The following ANKRD53 variants were observed in gnomAD, a reference collection of about 807,000 sequenced individuals.
ANKRD53 encodes the protein ankyrin repeat domain-containing protein 53.
A neutral mutation model predicts 30.1 loss-of-function variants in ANKRD53; 27 were observed. That is an observed-to-expected ratio of 0.90 (90% CI 0.66 to 1.24). The LOEUF is 1.24. ANKRD53 is among the 50% of genes most tolerant of loss of function. ANKRD53 has a pLI of 0.00. For missense variants in ANKRD53, 682 were observed against 721.0 expected, an observed-to-expected ratio of 0.95 and a Z score of 0.62; for synonymous variants, 286 against 295.4, an observed-to-expected ratio of 0.97 and a Z score of 0.33.
At chr2:70,980,019 A>G (rs1020132027) in intron 3 of ANKRD53, among the ~76,000 whole-genome samples, 159 bp downstream of exon 3, 8 of 152,326 alleles carry the variant, frequency 5.3e-5, no homozygotes, top group African/African-American at 1.9e-4. Flanking sequence ...TGGTGTAATA[A>G]AGAGACTGGG....
At chr2:70,978,624 G>T (rs369851543), upstream of ANKRD53, 2,557 of 1,514,010 alleles carry the variant, frequency 1.7e-3, 12 homozygotes, top group Middle Eastern at 0.021. The surrounding 1 kb of genome is among the most constrained non-coding windows in gnomAD (Gnocchi z 4.3). Flanking sequence ...CGCCCGGCCC[G>T]GGTCCGAGTT....
chr2:70,984,753 G>C lies in ANKRD53; in HGVS notation c.1046G>C (p.Arg349Pro). The C allele has an allele frequency of 6.3e-7, 1 of 1,587,266 alleles. No homozygotes were observed. Among genetic ancestry groups the C allele is most frequent in the Non-Finnish European group, 8.6e-7 (1 of 1,166,038 alleles). ...SKTPEQRESQRSRSFHPSVDA... is the reference protein window; with the variant it reads ...SKTPEQRESQPSRSFHPSVDA... ...ACCCCAGAGCAACGGGAATCGCAGC[G>C]TTCCAGGAGCTTCCACCCCTCTGTG... Residue 349 changes from arginine (R) to proline (P), a missense_variant, in exon 6 of 6, where the codon CGT (arginine) becomes CCT (proline). Transcript: ENST00000360589.
At chr2:70,983,828 G>A (rs1050097827) in intron 5 of ANKRD53, among the ~76,000 whole-genome samples, 1 of 152,198 alleles carries the variant, frequency 6.6e-6, no homozygotes, top group Non-Finnish European at 1.5e-5. Flanking sequence ...AGGTCTGATG[G>A]AATTATGATG....
chr2:70,979,042 C>G (rs1283170145), intron 1 of ANKRD53, 55 bp from the exon 2 acceptor site: 1 of 1,505,310 alleles, frequency 6.6e-7, no homozygotes, highest in Non-Finnish European at 8.8e-7. Flanking sequence ...GATCGCCTCC[C>G]GAGAGGTGCC....
At chr2:70,981,135 A>C (rs1669997433) in intron 3 of ANKRD53, among the ~76,000 whole-genome samples, 2 of 152,352 alleles carry the variant, frequency 1.3e-5, no homozygotes, top group South Asian at 2.1e-4. Flanking sequence ...TACCTATCAC[A>C]TGGGACTACT....
In ANKRD53 at chr2:70,985,151, G is replaced by C. The variant is rs1285680493; in HGVS notation, c.1444G>C (p.Val482Leu). The C allele has an allele frequency of 3.9e-6, 6 of 1,551,324 alleles. No individual in the cohort carries two copies. The highest frequency in any genetic ancestry group is 5.2e-6 in the Non-Finnish European group (6 of 1,146,934). The change falls in exon 6 of 6, where the codon GTG becomes CTG. Residue 482 changes from valine (V) to leucine (L), a missense_variant. Physicochemically the swap from Val to Leu is conservative, Grantham distance 32 (BLOSUM62 1). Transcript: ENST00000360589. ...CTTTTACCCCATCAGCATGAGGGAAGTGCCCAGGAAGCGGCACCTGGGTGA... is the reference window on the plus strand; with the variant it reads ...CTTTTACCCCATCAGCATGAGGGAACTGCCCAGGAAGCGGCACCTGGGTGA... ...QGFYPISMRE[V>L]PRKRHLGDNT... is the part of the protein sequence containing the mutation.
rs1295303076 is a variant in ANKRD53, at chr2:70,984,459, T to TCCATCAGACTCAGACTTTCCCTC, written c.904-137_904-115dup. 24 of 1,522,944 alleles carry TCCATCAGACTCAGACTTTCCCTC rather than the reference T, an allele frequency of 1.6e-5. No individual in the cohort carries two copies. The South Asian group carries it at 3.2e-4, about 20-fold the overall frequency. The allele number at this position is 1,522,944 out of a possible 1,614,324, so 94.3% of individuals were successfully genotyped here. ...CGGCTCCCATAAGGCAGGTGTTGCT[T>TCCATCAGACTCAGACTTTCCCTC]CCATCAGACTCAGACTTTCCCTCCC... On this transcript the variant is annotated intron_variant, in intron 5 of 5. Coordinates refer to ENST00000360589, the MANE Select transcript of ANKRD53 (RefSeq NM_001115116.2).
In ANKRD53 at chr2:70,984,355, C is replaced by G. The variant is rs926444512; in HGVS notation, c.904-256C>G. The G allele has an allele frequency of 4.4e-6, 7 of 1,594,518 alleles. No individual in the cohort carries two copies. In the Admixed American group the frequency reaches 5.5e-5, roughly 13 times the overall value. On this transcript the variant is annotated intron_variant, in intron 5 of 5. Coordinates refer to ENST00000360589, the MANE Select transcript of ANKRD53 (RefSeq NM_001115116.2). ...CTCTCCCATCAGATTGGAGATCCCC[C>G]CTTTGGGAGAGGTGCTTTGTCTCCC...
In ANKRD53 at chr2:70,979,238, G is replaced by A. The variant is rs1188968268; in HGVS notation, c.312G>A (p.Thr104=). ...KESDQTAIDQ[T]AIGSYYQLFA... ...CCGACCAGACGGCAATCGACCAGAC[G>A]GCGATCGGGAGCTACTACCAGCTGT... The change falls in exon 2 of 6, where the codon ACG becomes ACA. Residue 104 remains threonine (T), a synonymous_variant. Transcript: ENST00000360589. 1.2e-6 allele frequency: 2 copies of A among 1,613,366 alleles called. No individual in the cohort carries two copies. Among genetic ancestry groups the A allele is most frequent in the African/African-American group, 1.3e-5 (1 of 74,924 alleles).
In ANKRD53 at chr2:70,979,781, C is replaced by T. The variant is rs782082470; in HGVS notation, c.538C>T (p.Leu180Phe). 2.2e-5 allele frequency: 36 copies of T among 1,614,134 alleles called. No individual in the cohort carries two copies. The highest frequency in any genetic ancestry group is 4.5e-5 in the East Asian group (2 of 44,902). ...CAACAATAGCCAGACACCCCTGCAC[C>T]TCGTCATCCACAGGGACAACACCAC... The part of the protein sequence containing the change: ...LTNNSQTPLH[L>F]VIHRDNTTVA... The change falls in exon 3 of 6, where the codon CTC becomes TTC. Residue 180 changes from leucine to phenylalanine, a missense_variant. Coordinates refer to ENST00000360589, the MANE Select transcript of ANKRD53 (RefSeq NM_001115116.2).
At chr2:70,978,605 T>C, upstream of ANKRD53, 1 of 1,479,122 alleles carries the variant, frequency 6.8e-7, no homozygotes, top group Non-Finnish European at 9.0e-7. The surrounding 1 kb of genome is among the most constrained non-coding windows in gnomAD (Gnocchi z 4.3). Context: ...GGCGGGTGTG[T>C]GAGTAGCCCG....
intron 5 of ANKRD53, among the ~76,000 whole-genome samples, chr2:70,983,800 T>C (rs782411764): frequency 6.6e-6 from 1 of 152,254 alleles, no homozygotes; most frequent in Non-Finnish European, 1.5e-5. Context: ...ATATGCTGAC[T>C]GACTTAGGTC....
rs782396062 is a variant in ANKRD53 at position 70,981,784 on chromosome 2, T to C, written c.618-152T>C. The C allele has an allele frequency of 6.3e-5, 47 of 748,982 alleles. No individual in the cohort carries two copies. The Middle Eastern group carries it at 7.5e-4, about 12-fold the overall frequency. The allele number at this position is 748,982 out of a possible 1,614,324, so 46.4% of individuals were successfully genotyped here. On this transcript the variant is annotated intron_variant, in intron 3 of 5. Coordinates refer to ENST00000360589, the MANE Select transcript of ANKRD53 (RefSeq NM_001115116.2). ...ATTCCTCCCTTTACAGTAAAGGAAA[T>C]TGAGGTGCCAAAAGGGACAGACATA...
chr2:70,979,808 G>A lies in ANKRD53; in HGVS notation c.565G>A (p.Val189Met), dbSNP rs967331478. The change falls in exon 3 of 6, where the codon GTG becomes ATG. Residue 189 changes from valine to methionine, a missense_variant. Transcript: ENST00000360589. The part of the protein sequence containing the change: ...HLVIHRDNTT[V>M]ALPCIYYLLE... ...CGTCATCCACAGGGACAACACCACC[G>A]TGGCCCTCCCCTGCATCTACTACCT... 1.2e-5 allele frequency: 19 copies of A among 1,614,102 alleles called. No individual in the cohort carries two copies. The highest frequency in any genetic ancestry group is 1.5e-5 in the Non-Finnish European group (18 of 1,180,042).
chr2:70,984,239 A>G, intron 5 of ANKRD53: 1 of 1,614,116 alleles, frequency 6.2e-7, no homozygotes, highest in Non-Finnish European at 8.5e-7. Flanking sequence ...GAAGAAGGGA[A>G]TTGTCTTTCT....
chr2:70,983,977 G>A (rs974273954), intron 5 of ANKRD53: 1 of 704,044 alleles, frequency 1.4e-6, no homozygotes, highest in Non-Finnish European at 2.5e-6. Flanking sequence ...CTCCGTGGAG[G>A]CAAGGACAGA....
rs549048154 is a variant in ANKRD53 at position 70,979,441 on chromosome 2, C to T, written c.417+98C>T. ...AAGAGATATCCTTTTCTGGGTAGAT[C>T]TTCCTAATTTAACTCATCTTCTGGC... On this transcript the variant is annotated intron_variant, in intron 2 of 5. Coordinates refer to ENST00000360589, the MANE Select transcript of ANKRD53 (RefSeq NM_001115116.2). 835 of 1,551,858 alleles carry T rather than the reference C, an allele frequency of 5.4e-4. 14 individuals carry two copies. In the South Asian group the frequency reaches 9.7e-3, roughly 18 times the overall value.
rs1233272755 is a variant in ANKRD53, at chr2:70,982,515, C to T, written c.783-62C>T. Reference sequence around the variant, plus strand: ...CAAGCCCTCAGCAGCAGCCAGTCTTCCCAGCCCAGGTGGAAGCTCTGTCAC... The same window carrying T: ...CAAGCCCTCAGCAGCAGCCAGTCTTTCCAGCCCAGGTGGAAGCTCTGTCAC... On this transcript the variant is annotated intron_variant, in intron 4 of 5. Transcript: ENST00000360589. This position sits in a 1 kb window ranked among gnomAD's most constrained non-coding sequence, Gnocchi z 4.2. 3 of 1,597,534 alleles carry T rather than the reference C, an allele frequency of 1.9e-6. No individual in the cohort carries two copies. Among genetic ancestry groups the T allele is most frequent in the African/African-American group, 2.7e-5 (2 of 74,724 alleles).
At chr2:70,979,499 G>GGGT (rs1669936234) in intron 2 of ANKRD53, among the ~76,000 whole-genome samples, 156 bp downstream of exon 2, 1 of 152,212 alleles carries the variant, frequency 6.6e-6, no homozygotes, top group South Asian at 2.1e-4. Context: ...CAGGGAGGTT[G>GGGT]GGTGGGCTGA....
Sources: gnomAD v4.1 joint callset for allele counts (sites outside exome capture counted in the v4.1 genomes callset) on GRCh38, gnomAD v4.1.1 for gene constraint, Gnocchi (gnomAD v3.1) non-coding constraint, MANE v1.5 for transcripts, NCBI Gene and HGNC (gene_info 2026-07-23, HGNC 2026-07-21) for gene names.